The following SLAMF1 variants were observed in gnomAD, a reference collection of about 807,000 sequenced individuals.
The protein encoded by SLAMF1 is signaling lymphocytic activation molecule family member 1.
A neutral mutation model predicts 35.1 loss-of-function variants in SLAMF1; 18 were observed. That is an observed-to-expected ratio of 0.51 (90% CI 0.35 to 0.76). The LOEUF is 0.76. Among genes scored for constraint, SLAMF1 ranks in the 30% least tolerant of loss-of-function variants. The probability of loss-of-function intolerance (pLI) is 0.01; values close to 1 mark genes in which losing one functional copy is unlikely to be tolerated. For synonymous variants in SLAMF1, 168 were observed against 157.2 expected (o/e 1.07, Z -0.51); for missense variants, 392 against 413.0 (o/e 0.95, Z 0.44).
intron 3 of SLAMF1, among the ~76,000 whole-genome samples, chr1:160,630,118 A>G (rs1209724458): frequency 6.6e-6 from 1 of 152,164 alleles, no homozygotes; most frequent in Admixed American, 6.6e-5. Context: ...AGATTCCTTC[A>G]TTCTAGCACA....
At chr1:160,638,458 C>T (rs1177382512) in intron 1 of SLAMF1, among the ~76,000 whole-genome samples, 1 of 152,102 alleles carries the variant, frequency 6.6e-6, no homozygotes, top group African/African-American at 2.4e-5. Flanking sequence ...TGCCTCTGTC[C>T]CTCACATTAT....
chr1:160,617,576 GA>G (rs1345114827), intron 5 of SLAMF1, among the ~76,000 whole-genome samples: 1 of 152,020 alleles, frequency 6.6e-6, no homozygotes, highest in South Asian at 2.1e-4. Context: ...AGACATGAGA[GA>G]AAAAAGAATA....
In SLAMF1 at chr1:160,637,381, C is replaced by G. The variant is rs763037948; in HGVS notation, c.225G>C (p.Glu75Asp). The G allele has an allele frequency of 6.2e-7, 1 of 1,613,928 alleles. No individual in the cohort carries two copies. Among genetic ancestry groups the G allele is most frequent in the African/African-American group, 1.3e-5 (1 of 74,870 alleles). The part of the protein sequence containing the change: ...TMAKSLENSV[E>D]NKIVSLDPSE... ...ATGGATCAAGAGACACTATTTTGTT[C>G]TCGACACTGTTCTCCAGTGATTTTG... The change falls in exon 2 of 7, where the codon GAG becomes GAC. Residue 75 changes from glutamate to aspartate, a missense_variant. Glu to Asp is a conservative substitution (Grantham distance 45). Coordinates refer to ENST00000302035, the MANE Select transcript of SLAMF1 (RefSeq NM_003037.5).
At chr1:160,623,880 C>G (rs1458240978) in intron 4 of SLAMF1, among the ~76,000 whole-genome samples, 2 of 152,122 alleles carry the variant, frequency 1.3e-5, no homozygotes, top group Admixed American at 6.6e-5. Context: ...AAACCTGTGG[C>G]TCTTCTATTT....
intron 3 of SLAMF1, among the ~76,000 whole-genome samples, chr1:160,625,847 G>GTGTGTGTGTGTGTGTA (rs1553240257): frequency 6.8e-6 from 1 of 148,132 alleles, no homozygotes; most frequent in African/African-American, 2.5e-5. Context: ...GTGTGTGTGT[G>GTGTGTGTGTGTGTGTA]TGTGTGTATG....
chr1:160,645,419 T>G (rs1474102887), intron 1 of SLAMF1, among the ~76,000 whole-genome samples: 1 of 152,248 alleles, frequency 6.6e-6, no homozygotes, highest in Non-Finnish European at 1.5e-5. Flanking sequence ...TAGACTTGCC[T>G]TGTGGGGCTG....
intron 5 of SLAMF1, among the ~76,000 whole-genome samples, chr1:160,617,536 T>C (rs1219084105): frequency 6.6e-6 from 1 of 152,018 alleles, no homozygotes; most frequent in East Asian, 1.9e-4. Context: ...TATATGAATC[T>C]CATAAAGATA....
rs978047207 is a variant in SLAMF1 at position 160,642,474 on chromosome 1, A to T, written c.76+4396T>A. 6.6e-6 allele frequency among the ~76,000 whole-genome samples: 1 copy of T among 152,290 alleles called. No homozygotes were observed. The highest frequency in any genetic ancestry group is 3.4e-3 in the Middle Eastern group (1 of 294). On this transcript the variant is annotated intron_variant, in intron 1 of 6. Transcript: ENST00000302035. This position sits in a 1 kb window ranked among gnomAD's most constrained non-coding sequence, Gnocchi z 4.2. ...TTCATCACGTGTTCAACTCTGGTTC[A>T]ATGCCTGTAATCCCCCACTCTTATA...
intron 1 of SLAMF1, among the ~76,000 whole-genome samples, chr1:160,646,037 G>A (rs1310398192): frequency 6.6e-6 from 1 of 152,094 alleles, no homozygotes; most frequent in East Asian, 1.9e-4. Flanking sequence ...GCAGTCCAAA[G>A]TCCACTTCTT....
intron 1 of SLAMF1, among the ~76,000 whole-genome samples, chr1:160,638,558 G>T (rs1351590800): frequency 6.6e-6 from 1 of 151,986 alleles, no homozygotes; most frequent in East Asian, 1.9e-4. Context: ...CTGATCCCAG[G>T]TCCATCCCCA....
intron 3 of SLAMF1, among the ~76,000 whole-genome samples, chr1:160,626,427 CT>C (rs1659882687): frequency 6.6e-6 from 1 of 152,234 alleles, no homozygotes; most frequent in South Asian, 2.1e-4. Flanking sequence ...CTATGACAAG[CT>C]TCTGCCAGTC....
At chr1:160,639,714 T>C (rs1050594466) in intron 1 of SLAMF1, among the ~76,000 whole-genome samples, 1 of 152,216 alleles carries the variant, frequency 6.6e-6, no homozygotes, top group Non-Finnish European at 1.5e-5. Flanking sequence ...CCATGTCCTA[T>C]TTTGTCTCTC....
At chr1:160,624,953 A>G (rs1659802947) in intron 3 of SLAMF1, among the ~76,000 whole-genome samples, 1 of 152,250 alleles carries the variant, frequency 6.6e-6, no homozygotes, top group Non-Finnish European at 1.5e-5. Context: ...ATTATTGAGC[A>G]CTTGCAATGG....
rs981029573 is a variant in SLAMF1, at chr1:160,609,562, A to G, written c.*1186T>C. The G allele has an allele frequency of 6.6e-6, 1 of 152,226 alleles. No homozygotes were observed. Among genetic ancestry groups the G allele is most frequent in the African/African-American group, 2.4e-5 (1 of 41,460 alleles). 9.4% of individuals were successfully genotyped at this position (152,226 alleles called of 1,614,324 possible). On this transcript the variant is annotated 3_prime_UTR_variant, in exon 7 of 7. Transcript: ENST00000302035. ...TTCTTACAGTACTTACCAAGTTTAT[A>G]TAAGAAACAATAAGAAAAAGCAGGG...
intron 5 of SLAMF1, among the ~76,000 whole-genome samples, chr1:160,614,932 G>T (rs1461801568): frequency 6.6e-6 from 1 of 152,036 alleles, no homozygotes; most frequent in Non-Finnish European, 1.5e-5. Context: ...AACTCCAGAG[G>T]CATTATTTTC....
In SLAMF1 at chr1:160,634,860, C is replaced by T. The variant is rs1007397951; in HGVS notation, c.453G>A (p.Lys151=). 3.1e-6 allele frequency: 5 copies of T among 1,613,872 alleles called. No individual in the cohort carries two copies. Among genetic ancestry groups the T allele is most frequent in the Non-Finnish European group, 4.2e-6 (5 of 1,179,832 alleles). ...VSTPEIKVLN[K]TQENGTCTLI... ...AGGTGCAGGTCCCGTTCTCCTGGGT[C>T]TTGTTTAAAACTTTAATTTCTGGAG... The change falls in exon 3 of 7, where the codon AAG becomes AAA. Residue 151 remains lysine (K), a synonymous_variant. Transcript: ENST00000302035.
Position 160,612,584 on chromosome 1 carries a change from C to G in SLAMF1, c.865-4G>C, listed in dbSNP as rs780832851. 1 of 1,587,412 alleles carries G rather than the reference C, an allele frequency of 6.3e-7. No homozygotes were observed. The highest frequency in any genetic ancestry group is 8.6e-7 in the Non-Finnish European group (1 of 1,156,874). ...AGTCAAGTTTCTTCTGAAGAGGCTA[C>G]AAGAGAAGCAAAGAAAGCAGATTAG... On this transcript the variant is annotated splice_region_variant and splice_polypyrimidine_tract_variant and intron_variant, in intron 5 of 6. Coordinates refer to ENST00000302035, the MANE Select transcript of SLAMF1 (RefSeq NM_003037.5).
intron 3 of SLAMF1, among the ~76,000 whole-genome samples, chr1:160,632,547 T>TATA (rs970129505): frequency 2.0e-5 from 3 of 152,192 alleles, no homozygotes; most frequent in Admixed American, 2.0e-4. Flanking sequence ...GTGCCCTTAG[T>TATA]ATAAGCTTTA....
intron 3 of SLAMF1, among the ~76,000 whole-genome samples, chr1:160,625,394 A>C (rs1659824851): frequency 6.6e-6 from 1 of 152,206 alleles, no homozygotes; most frequent in Non-Finnish European, 1.5e-5. Context: ...CAAAGGAAAG[A>C]ATCATGGTGG....
Sources: allele counts gnomAD v4.1 joint callset (sites outside exome capture counted in the v4.1 genomes callset), GRCh38; gene constraint gnomAD v4.1.1; non-coding constraint Gnocchi (gnomAD v3.1); transcripts MANE v1.5; gene names NCBI Gene and HGNC (gene_info 2026-07-23, HGNC 2026-07-21).